The following ZNF280D variants were observed in gnomAD, a reference collection of about 807,000 sequenced individuals.
The protein encoded by ZNF280D is zinc finger protein 280D.
In ZNF280D, 39 loss-of-function variants were observed where a neutral mutation model predicts 94.7. The observed-to-expected ratio is 0.41, with a 90% CI of 0.32 to 0.54. The LOEUF is 0.54. Ranked by LOEUF, ZNF280D falls within the 20% of genes least tolerant of loss-of-function variation. ZNF280D has a pLI of 0.22. For synonymous variants in ZNF280D, 398 were observed against 377.6 expected, an observed-to-expected ratio of 1.05 and a Z score of -0.63; for missense variants, 1,090 against 1,149.3, an observed-to-expected ratio of 0.95 and a Z score of 0.75.
At chr15:56,669,895 T>TA (rs1566959859) in intron 13 of ZNF280D, among the ~76,000 whole-genome samples, 117 of 11,256 alleles carry the variant, frequency 0.01, 23 homozygotes, top group South Asian at 0.015. Context: ...ATATTATATA[T>TA]ATATATAATA....
intron 19 of ZNF280D, 144 bp downstream of exon 19, chr15:56,654,054 C>G (rs1310972346): frequency 6.7e-7 from 1 of 1,495,978 alleles, no homozygotes; most frequent in Non-Finnish European, 8.9e-7. Flanking sequence ...GAGCAGGAAC[C>G]TATTTCAACA....
At position 56,662,745 on chromosome 15, in the gene ZNF280D, A is replaced by C. The variant is rs554083261; in HGVS notation, c.1994+3650T>G. Among the ~76,000 whole-genome samples, 792 of 151,146 alleles carry C rather than the reference A, an allele frequency of 5.2e-3. 26 individuals carry two copies. In the East Asian group the frequency reaches 0.095, roughly 18 times the overall value. The stretch of plus-strand genomic sequence containing the variant: ...AGGCTGAGGCAGGAGAATTGCGTGA[A>C]CCTGGGAGGTGGAGGTTGCAGTGAG... On this transcript the variant is annotated intron_variant, in intron 16 of 21. Transcript: ENST00000267807.
chr15:56,671,288 T>C (rs1450693943), intron 13 of ZNF280D, among the ~76,000 whole-genome samples: 1 of 152,158 alleles, frequency 6.6e-6, no homozygotes, highest in Non-Finnish European at 1.5e-5. Context: ...AGGTTTCTTC[T>C]AGGGTTTTTA....
At chr15:56,729,565 C>G (rs1464877891) in intron 1 of ZNF280D, among the ~76,000 whole-genome samples, 1 of 152,122 alleles carries the variant, frequency 6.6e-6, no homozygotes, top group Non-Finnish European at 1.5e-5. Context: ...GTGACACATT[C>G]AAAAAGTGGG....
At chr15:56,669,606 A>G (rs1236008413) in intron 13 of ZNF280D, among the ~76,000 whole-genome samples, 2 of 150,504 alleles carry the variant, frequency 1.3e-5, no homozygotes, top group African/African-American at 2.4e-5. Context: ...CTAAAAAGCC[A>G]TATGTGGCTA....
At chr15:56,719,968 C>T (rs983863675) in intron 1 of ZNF280D, among the ~76,000 whole-genome samples, 3 of 151,348 alleles carry the variant, frequency 2.0e-5, no homozygotes, top group Non-Finnish European at 2.9e-5. Flanking sequence ...GAAGGTCCTG[C>T]CTCCATGTTG....
intron 3 of ZNF280D, among the ~76,000 whole-genome samples, chr15:56,706,865 A>G (rs2057435376): frequency 6.6e-6 from 1 of 152,188 alleles, no homozygotes; most frequent in African/African-American, 2.4e-5. Flanking sequence ...TATGTACCAA[A>G]TTGGTAAAAG....
intron 3 of ZNF280D, 115 bp from the exon 4 acceptor site, chr15:56,704,382 T>A: frequency 4.9e-6 from 5 of 1,011,424 alleles, no homozygotes; most frequent in Non-Finnish European, 7.2e-6. Flanking sequence ...TAGCAATTTC[T>A]GAATTGATAT....
intron 17 of ZNF280D, among the ~76,000 whole-genome samples, chr15:56,655,311 G>A (rs940536852): frequency 4.6e-5 from 7 of 152,152 alleles, no homozygotes; most frequent in Admixed American, 2.0e-4. Flanking sequence ...GGGTTCAAGC[G>A]ATTCTCCTGC....
intron 1 of ZNF280D, among the ~76,000 whole-genome samples, chr15:56,719,634 T>C (rs142135789): frequency 4.6e-4 from 70 of 152,202 alleles, no homozygotes; most frequent in African/African-American, 1.6e-3. Flanking sequence ...TCCTTCCTCT[T>C]TTACTACTGA....
At chr15:56,723,226 A>G (rs1302551723) in intron 1 of ZNF280D, among the ~76,000 whole-genome samples, 2 of 108,114 alleles carry the variant, frequency 1.8e-5, no homozygotes, top group Non-Finnish European at 4.2e-5. Context: ...CTTAAAGTAT[A>G]ATAATAAAAA....
chr15:56,677,699 A>G, intron 11 of ZNF280D, 25 bp from the exon 12 acceptor site: 1 of 1,067,102 alleles, frequency 9.4e-7, no homozygotes, highest in Non-Finnish European at 1.3e-6. Flanking sequence ...GAAACAGTAT[A>G]ATAATATTTA....
intron 9 of ZNF280D, among the ~76,000 whole-genome samples, chr15:56,685,254 G>A (rs911803473): frequency 2.6e-5 from 4 of 151,888 alleles, no homozygotes; most frequent in African/African-American, 7.3e-5. Flanking sequence ...AACAGAAAAC[G>A]AAATAAACCA....
At chr15:56,708,325 T>C (rs980083108) in intron 1 of ZNF280D, among the ~76,000 whole-genome samples, 9 of 152,194 alleles carry the variant, frequency 5.9e-5, no homozygotes, top group African/African-American at 1.7e-4. Context: ...TATCCCCTAG[T>C]TCTAAAGTTG....
intron 9 of ZNF280D, among the ~76,000 whole-genome samples, chr15:56,687,536 G>C (rs909678675): frequency 6.6e-6 from 1 of 152,054 alleles, no homozygotes. Flanking sequence ...AGTCATACTA[G>C]GAACCAGGTA....
Position 56,718,008 on chromosome 15 carries a change from T to G in ZNF280D, c.-85-10702A>C, listed in dbSNP as rs143247647. On this transcript the variant is annotated intron_variant, in intron 1 of 21. Coordinates refer to ENST00000267807, the MANE Select transcript of ZNF280D (RefSeq NM_017661.4). Reference sequence around the variant, plus strand: ...CATTATGTGACTGAAAATGTTCACTTTCAAGATCCCTTCAAGAACCCTTCC... The same window carrying G: ...CATTATGTGACTGAAAATGTTCACTGTCAAGATCCCTTCAAGAACCCTTCC... Among the ~76,000 whole-genome samples, 13 of 152,262 alleles carry G rather than the reference T, an allele frequency of 8.5e-5. No homozygotes were observed. In the East Asian group the frequency reaches 2.5e-3, roughly 29 times the overall value.
chr15:56,705,774 A>T (rs1390533983), intron 3 of ZNF280D, among the ~76,000 whole-genome samples: 1 of 151,940 alleles, frequency 6.6e-6, no homozygotes, highest in Non-Finnish European at 1.5e-5. Flanking sequence ...CTATTTTTTC[A>T]TGTGTCTTAA....
At chr15:56,645,569 G>A (rs545908234) in intron 19 of ZNF280D, among the ~76,000 whole-genome samples, 5 of 152,134 alleles carry the variant, frequency 3.3e-5, no homozygotes, top group Admixed American at 2.6e-4. Flanking sequence ...TTTTGCAGAC[G>A]GAGTTTCGTT....
intron 6 of ZNF280D, among the ~76,000 whole-genome samples, chr15:56,695,511 A>G (rs2056691656): frequency 6.6e-6 from 1 of 151,488 alleles, no homozygotes. Context: ...TTAAACTGAT[A>G]AAACTATTGT....
Sources: allele counts gnomAD v4.1 joint callset (sites outside exome capture counted in the v4.1 genomes callset), GRCh38; gene constraint gnomAD v4.1.1; transcripts MANE v1.5; gene names NCBI Gene and HGNC (gene_info 2026-07-23, HGNC 2026-07-21).